GTF3A: variants seen among roughly 807,000 people sequenced by gnomAD.
The protein encoded by GTF3A is general transcription factor IIIA.
GTF3A carries 40 observed loss-of-function variants against 37.6 expected under a neutral mutation model. That is an observed-to-expected ratio of 1.06 (90% CI 0.83 to 1.38). The LOEUF (loss-of-function observed/expected upper bound fraction) is 1.38, where lower values mean the gene tolerates loss of function less well. Ranked by LOEUF, GTF3A falls within the 40% of genes most tolerant of loss-of-function variation. The pLI, the probability that GTF3A is intolerant of heterozygous loss-of-function variation, is 0.00. For synonymous variants in GTF3A, 191 were observed against 166.7 expected, an observed-to-expected ratio of 1.15 and a Z score of -1.12; for missense variants, 500 against 462.6, an observed-to-expected ratio of 1.08 and a Z score of -0.74.
Position 27,430,597 on chromosome 13 carries a change from A to G in GTF3A, c.464A>G (p.Gln155Arg), listed in dbSNP as rs1255910941. The change falls in exon 4 of 9, where the codon CAG becomes CGG. Residue 155 changes from glutamine to arginine, a missense_variant. Physicochemically the swap from Gln to Arg is conservative, Grantham distance 43 (BLOSUM62 1). Coordinates refer to ENST00000381140, the MANE Select transcript of GTF3A (RefSeq NM_002097.3). ...CAGCAGCTGAAAATCCATCAGTGCCAGCATACCAATGAACCTCTATTCAAG... is the reference window on the plus strand; with the variant it reads ...CAGCAGCTGAAAATCCATCAGTGCCGGCATACCAATGAACCTCTATTCAAG... The G allele has an allele frequency of 6.2e-7, 1 of 1,610,496 alleles. No homozygotes were observed. The highest frequency in any genetic ancestry group is 1.3e-5 in the African/African-American group (1 of 74,882).
In GTF3A at chr13:27,435,007, T is replaced by G; in HGVS notation, c.846T>G (p.Ala282=). The change falls in exon 7 of 9, where the codon GCT becomes GCG. Residue 282 remains alanine, a synonymous_variant. Coordinates refer to ENST00000381140, the MANE Select transcript of GTF3A (RefSeq NM_002097.3). ...GCCGCCCTTTTGTGTGTGAACATGC[T>G]GGCTGTGGCAAAACATTTGCAATGA... 1 of 1,607,508 alleles carries G rather than the reference T, an allele frequency of 6.2e-7. No homozygotes were observed. Among genetic ancestry groups the G allele is most frequent in the Non-Finnish European group, 8.5e-7 (1 of 1,173,966 alleles).
In GTF3A at chr13:27,424,745, C is replaced by T. The variant is rs772125013; in HGVS notation, c.8C>T (p.Pro3Leu). The T allele has an allele frequency of 1.6e-5, 23 of 1,469,632 alleles. No homozygotes were observed. Among genetic ancestry groups the T allele is most frequent in the South Asian group, 1.3e-4 (10 of 74,294 alleles). The allele number at this position is 1,469,632 out of a possible 1,614,324, so 91.0% of individuals were successfully genotyped here. The change falls in exon 1 of 9, where the codon CCG becomes CTG. Residue 3 changes from proline (P) to leucine (L), a missense_variant. Coordinates refer to ENST00000381140, the MANE Select transcript of GTF3A (RefSeq NM_002097.3). ...CTTGGAGGCGCCGGCGCCCTGGATC[C>T]GCCGGCCGTGGTCGCCGAGTCGGTG...
At chr13:27,434,741 A>G in intron 6 of GTF3A, 64 bp from the exon 7 acceptor site, 1 of 827,260 alleles carries the variant, frequency 1.2e-6, no homozygotes, top group East Asian at 2.6e-5. Context: ...TATATTAGGT[A>G]TTAATTTTTT....
Position 27,434,844 on chromosome 13 carries a change from G to T in GTF3A, c.683G>T (p.Arg228Leu), listed in dbSNP as rs758878764. The T allele has an allele frequency of 1.2e-6, 2 of 1,612,450 alleles. No individual in the cohort carries two copies. The highest frequency in any genetic ancestry group is 1.3e-5 in the African/African-American group (1 of 74,856). The change falls in exon 7 of 9, where the codon CGC (arginine) becomes CTC (leucine). Residue 228 changes from arginine (R) to leucine (L), a missense_variant. Arg to Leu is a moderately radical substitution (Grantham distance 102). Transcript: ENST00000381140. ...GAAGTATGCCGGAAAACATTTAAACGCAAAGATTACCTTAAGCAACACATG... is the reference window on the plus strand; with the variant it reads ...GAAGTATGCCGGAAAACATTTAAACTCAAAGATTACCTTAAGCAACACATG...
intron 6 of GTF3A, chr13:27,434,562 G>A: frequency 1.8e-6 from 1 of 565,856 alleles, no homozygotes; most frequent in South Asian, 2.4e-5. Flanking sequence ...CCTCCCCACA[G>A]TCACCTTCCT....
chr13:27,425,295 C>T, intron 1 of GTF3A: 1 of 244,760 alleles, frequency 4.1e-6, no homozygotes, highest in Non-Finnish European at 7.9e-6. Flanking sequence ...TTACATGTAC[C>T]AGGGGTCGTG....
chr13:27,431,223 C>CT (rs1460661924), intron 4 of GTF3A, among the ~76,000 whole-genome samples: 3 of 152,138 alleles, frequency 2.0e-5, no homozygotes, highest in Admixed American at 1.3e-4. Flanking sequence ...TTCCATTGGT[C>CT]TAAGTGCCTA....
rs1206329855 is a variant in GTF3A at position 27,434,962 on chromosome 13, C to A, written c.801C>A (p.Ile267=). 1.2e-6 allele frequency: 2 copies of A among 1,611,676 alleles called. No individual in the cohort carries two copies. Among genetic ancestry groups the A allele is most frequent in the Non-Finnish European group, 1.7e-6 (2 of 1,177,760 alleles). Residue 267 remains isoleucine (I), a synonymous_variant, in exon 7 of 9, where the codon ATC becomes ATA. Coordinates refer to ENST00000381140, the MANE Select transcript of GTF3A (RefSeq NM_002097.3). ...CTGTGTTTAATCTCCAAAGCCATAT[C>A]CTCTCCTTCCATGAGGAAAGCCGCC...
intron 1 of GTF3A, chr13:27,426,303 C>A (rs1391135376): frequency 6.6e-6 from 1 of 152,314 alleles, no homozygotes; most frequent in African/African-American, 2.4e-5. Context: ...CTACTCCACG[C>A]CTGCCGCTGT....
In GTF3A at chr13:27,430,732, C is replaced by G. The variant is rs1953649624; in HGVS notation, c.488+111C>G. ...TGTTTTTTGGCCATTTGTATATCTTCTGAGAAATGTCTGTTCATATCCTTT... is the reference window on the plus strand; with the variant it reads ...TGTTTTTTGGCCATTTGTATATCTTGTGAGAAATGTCTGTTCATATCCTTT... On this transcript the variant is annotated intron_variant, in intron 4 of 8. Coordinates refer to ENST00000381140, the MANE Select transcript of GTF3A (RefSeq NM_002097.3). The G allele has an allele frequency of 7.1e-6, 5 of 709,220 alleles. No homozygotes were observed. In the East Asian group the frequency reaches 1.4e-4, roughly 19 times the overall value. 43.9% of individuals were successfully genotyped at this position (709,220 alleles called of 1,614,324 possible). A position where few individuals can be genotyped will look rare whatever the true frequency, so the allele number is the denominator to read the frequency against.
chr13:27,431,363 A>G (rs1351900342), intron 4 of GTF3A, among the ~76,000 whole-genome samples: 5 of 152,216 alleles, frequency 3.3e-5, no homozygotes, highest in African/African-American at 1.2e-4. Flanking sequence ...ACAGTTCACA[A>G]TTGCAAATAC....
At chr13:27,435,247 CAGA>C in intron 8 of GTF3A, 55 bp downstream of exon 8, 6 of 1,440,196 alleles carry the variant, frequency 4.2e-6, no homozygotes, top group Non-Finnish European at 5.8e-6. Flanking sequence ...TGTTTAAGGC[CAGA>C]AGGAGTCTGT....
chr13:27,430,049 G>A, intron 3 of GTF3A, 83 bp downstream of exon 3: 3 of 699,092 alleles, frequency 4.3e-6, no homozygotes, highest in Non-Finnish European at 4.6e-6. Context: ...GCCAGGTGCG[G>A]TGGCTCAAGC....
rs76970318 is a variant in GTF3A, at chr13:27,434,330, A to G, written c.643+111A>G. On this transcript the variant is annotated intron_variant, in intron 6 of 8. Coordinates refer to ENST00000381140, the MANE Select transcript of GTF3A (RefSeq NM_002097.3). ...TGCTTTAAAGTAAAAGGGTTTCTCT[A>G]TGATATTTTGTGAAGTGCTGGGTAT... 2.1e-3 allele frequency: 1,518 copies of G among 718,128 alleles called. 11 individuals are homozygous for G. The African/African-American group carries it at 0.023, about 11-fold the overall frequency. The allele number at this position is 718,128 out of a possible 1,614,324, so 44.5% of individuals were successfully genotyped here. A position where few individuals can be genotyped will look rare whatever the true frequency, so the allele number is the denominator to read the frequency against.
intron 2 of GTF3A, among the ~76,000 whole-genome samples, chr13:27,428,882 G>C (rs1241206912): frequency 6.6e-6 from 1 of 152,150 alleles, no homozygotes; most frequent in African/African-American, 2.4e-5. Flanking sequence ...TGTCACATAA[G>C]CATGCCACTG....
Position 27,435,546 on chromosome 13 carries a change from C to G in GTF3A, c.1047C>G (p.Asn349Lys). 6.2e-7 allele frequency: 1 copy of G among 1,613,324 alleles called. No homozygotes were observed. Among genetic ancestry groups the G allele is most frequent in the South Asian group, 1.1e-5 (1 of 91,076 alleles). The change falls in exon 9 of 9, where the codon AAC becomes AAG. Residue 349 changes from asparagine (N) to lysine (K), a missense_variant. By Grantham distance (94) the Asn-to-Lys change is moderately conservative. Transcript: ENST00000381140. The stretch of plus-strand genomic sequence containing the variant: ...TGTGTCAAAACGGAGAGTCACCCAA[C>G]TGTGTGGAAGACAAGATGCTCTCGA...
intron 1 of GTF3A, among the ~76,000 whole-genome samples, chr13:27,426,513 G>A (rs1022362596): frequency 4.6e-5 from 7 of 152,180 alleles, no homozygotes; most frequent in African/African-American, 1.7e-4. Flanking sequence ...GGTTCAAAAT[G>A]AGTCACCCCC....
chr13:27,430,664 G>C (rs746663223), intron 4 of GTF3A, 43 bp downstream of exon 4: 1 of 1,239,684 alleles, frequency 8.1e-7, no homozygotes. Context: ...TTCTAGGTGT[G>C]AATAAGATTG....
chr13:27,426,273 T>C (rs1435270218), intron 1 of GTF3A: 1 of 152,272 alleles, frequency 6.6e-6, no homozygotes, highest in Non-Finnish European at 1.5e-5. Context: ...GCAGATTAAT[T>C]TGACAAATGT....
Sources: allele counts gnomAD v4.1 joint callset (sites outside exome capture counted in the v4.1 genomes callset), GRCh38; gene constraint gnomAD v4.1.1; transcripts MANE v1.5; gene names NCBI Gene and HGNC (gene_info 2026-07-23, HGNC 2026-07-21).